SCARB1: variants seen among roughly 807,000 people sequenced by gnomAD.
SCARB1 encodes CD36 and LIMPII analogous 1.
In SCARB1, 30 loss-of-function variants were observed where a neutral mutation model predicts 57.2. The observed-to-expected ratio is 0.52, with a 90% CI of 0.39 to 0.71. The LOEUF is 0.71. SCARB1 is among the 30% of genes least tolerant of loss of function. The pLI is 0.00. For missense variants in SCARB1, 543 were observed against 671.2 expected, an observed-to-expected ratio of 0.81 and a Z score of 2.11; for synonymous variants, 249 against 268.3, an observed-to-expected ratio of 0.93 and a Z score of 0.70.
At chr12:124,855,443 C>T (rs1952588113) in intron 1 of SCARB1, among the ~76,000 whole-genome samples, 1 of 152,320 alleles carries the variant, frequency 6.6e-6, no homozygotes, top group Non-Finnish European at 1.5e-5. Flanking sequence ...CCCTTTAAGG[C>T]TTCAAAGTCA....
At position 124,777,125 on chromosome 12, in the gene SCARB1, A is replaced by G. The variant is rs1316570626; in HGVS notation, c.*1462T>C. On this transcript the variant is annotated 3_prime_UTR_variant, in exon 13 of 13. Coordinates refer to ENST00000261693, the MANE Select transcript of SCARB1 (RefSeq NM_005505.5). ...TACTGATGAAATGGTCTCATATTCA[A>G]ACATCAACGATGATGACAATCGGAG... 7 of 152,204 alleles carry G rather than the reference A, an allele frequency of 4.6e-5. No individual in the cohort carries two copies. Among genetic ancestry groups the G allele is most frequent in the African/African-American group, 7.2e-5 (3 of 41,458 alleles). The allele number at this position is 152,204 out of a possible 1,614,324, so 9.4% of individuals were successfully genotyped here. A position where few individuals can be genotyped will look rare whatever the true frequency, so the allele number is the denominator to read the frequency against.
At chr12:124,801,744 G>A (rs762773111) in intron 7 of SCARB1, among the ~76,000 whole-genome samples, 3 of 151,964 alleles carry the variant, frequency 2.0e-5, no homozygotes, top group Admixed American at 6.6e-5. Flanking sequence ...AGCTGAAATC[G>A]CATCACTGCA....
intron 1 of SCARB1, among the ~76,000 whole-genome samples, chr12:124,844,357 G>A (rs1213121805): frequency 6.6e-6 from 1 of 152,166 alleles, no homozygotes; most frequent in Non-Finnish European, 1.5e-5. Context: ...GCCACCCCCA[G>A]CTCAAAGCAC....
chr12:124,839,256 T>G, intron 1 of SCARB1: 1 of 456,078 alleles, frequency 2.2e-6, no homozygotes. Context: ...TTCTCTTTTC[T>G]GTCTCTGTGG....
At chr12:124,797,395 C>T (rs1365422227) in intron 8 of SCARB1, among the ~76,000 whole-genome samples, 1 of 152,242 alleles carries the variant, frequency 6.6e-6, no homozygotes, top group East Asian at 1.9e-4. Flanking sequence ...AACACACGTT[C>T]GTTTTTCAAG....
rs1342474683 is a variant in SCARB1, at chr12:124,800,513, G to T, written c.1010-271C>A. ...GAAGAGGCCTCTTCACAGGAGCCAG[G>T]TGAAGGATGCCCGGGAAGCGCATTC... On this transcript the variant is annotated intron_variant, in intron 7 of 12. Coordinates refer to ENST00000261693, the MANE Select transcript of SCARB1 (RefSeq NM_005505.5). This position sits in a 1 kb window ranked among gnomAD's most constrained non-coding sequence, Gnocchi z 4.8. Among the ~76,000 whole-genome samples the T allele has an allele frequency of 6.6e-6, 1 of 152,244 alleles. No homozygotes were observed. The highest frequency in any genetic ancestry group is 1.5e-5 in the Non-Finnish European group (1 of 68,042).
Position 124,824,936 on chromosome 12 carries a change from G to A in SCARB1, c.127-7229C>T, listed in dbSNP as rs116352624. On this transcript the variant is annotated intron_variant, in intron 1 of 12. Coordinates refer to ENST00000261693, the MANE Select transcript of SCARB1 (RefSeq NM_005505.5). Reference sequence around the variant, plus strand: ...TATTCCATTCTGTTTTTAAAATGCTGATCCCAGGCCAGGTGCAGTGGCTCA... The same window carrying A: ...TATTCCATTCTGTTTTTAAAATGCTAATCCCAGGCCAGGTGCAGTGGCTCA... 6.7e-3 allele frequency among the ~76,000 whole-genome samples: 1,027 copies of A among 152,218 alleles called. 12 individuals carry two copies. Among genetic ancestry groups the A allele is most frequent in the African/African-American group, 0.023 (974 of 41,528 alleles).
chr12:124,832,159 A>T (rs760418469), intron 1 of SCARB1, among the ~76,000 whole-genome samples: 16 of 152,242 alleles, frequency 1.1e-4, no homozygotes, highest in Non-Finnish European at 1.9e-4. Flanking sequence ...AGATGTTAAT[A>T]GCAGGGGACA....
At chr12:124,833,094 C>G (rs1351867586) in intron 1 of SCARB1, among the ~76,000 whole-genome samples, 2 of 152,034 alleles carry the variant, frequency 1.3e-5, no homozygotes, top group East Asian at 3.9e-4. Context: ...GGTCACATCT[C>G]CTACTCTGAC....
At position 124,817,442 on chromosome 12, in the gene SCARB1, A is replaced by G; in HGVS notation, c.284+108T>C. ...CCGACTATGACTTGCCTGCTTCCGG[A>G]ACAATCTCTGGGGCTCAGTCAGCAG... On this transcript the variant is annotated intron_variant, in intron 2 of 12. Coordinates refer to ENST00000261693, the MANE Select transcript of SCARB1 (RefSeq NM_005505.5). The surrounding 1 kb of genome is among the most constrained non-coding windows in gnomAD (Gnocchi z 4.8). 1.7e-6 allele frequency: 2 copies of G among 1,158,290 alleles called. No individual in the cohort carries two copies. Among genetic ancestry groups the G allele is most frequent in the Non-Finnish European group, 2.5e-6 (2 of 798,164 alleles). The allele number at this position is 1,158,290 out of a possible 1,614,324, so 71.8% of individuals were successfully genotyped here. A position where few individuals can be genotyped will look rare whatever the true frequency, so the allele number is the denominator to read the frequency against.
chr12:124,843,064 G>T lies in SCARB1; in HGVS notation c.126+20531C>A, dbSNP rs183190917. ...ACCTCTGGAGCAAAGACCAGCTGGG[G>T]CCAGGGGAGCAGTGTCGTGCTGTGA... On this transcript the variant is annotated intron_variant, in intron 1 of 12. Coordinates refer to ENST00000261693, the MANE Select transcript of SCARB1 (RefSeq NM_005505.5). Among the ~76,000 whole-genome samples, 25 of 152,322 alleles carry T rather than the reference G, an allele frequency of 1.6e-4. No individual in the cohort carries two copies. The East Asian group carries it at 4.6e-3, about 28-fold the overall frequency.
In SCARB1 at chr12:124,807,483, G is replaced by A. The variant is rs768810855; in HGVS notation, c.1009+278C>T. Among the ~76,000 whole-genome samples, 6 of 152,158 alleles carry A rather than the reference G, an allele frequency of 3.9e-5. No homozygotes were observed. The highest frequency in any genetic ancestry group is 5.9e-5 in the Non-Finnish European group (4 of 68,022). ...AACACAGCCGCCTTGTTCTGAGCGC[G>A]GTGAGACCCACGCAGACTTCTGACT... On this transcript the variant is annotated intron_variant, in intron 7 of 12. Coordinates refer to ENST00000261693, the MANE Select transcript of SCARB1 (RefSeq NM_005505.5). This position sits in a 1 kb window ranked among gnomAD's most constrained non-coding sequence, Gnocchi z 5.3.
At position 124,800,710 on chromosome 12, in the gene SCARB1, A is replaced by G. The variant is rs1950098672; in HGVS notation, c.1010-468T>C. On this transcript the variant is annotated intron_variant, in intron 7 of 12. Coordinates refer to ENST00000261693, the MANE Select transcript of SCARB1 (RefSeq NM_005505.5). The surrounding 1 kb of genome is among the most constrained non-coding windows in gnomAD (Gnocchi z 4.8). Reference sequence around the variant, plus strand: ...CACTGTCCCCTGCAGGACACGCAGCAATGATCGGAGCTCAGGTGTGTGCAC... The same window carrying G: ...CACTGTCCCCTGCAGGACACGCAGCGATGATCGGAGCTCAGGTGTGTGCAC... Among the ~76,000 whole-genome samples, 1 of 152,166 alleles carries G rather than the reference A, an allele frequency of 6.6e-6. No individual in the cohort carries two copies. Among genetic ancestry groups the G allele is most frequent in the South Asian group, 2.1e-4 (1 of 4,834 alleles).
chr12:124,854,290 C>A (rs1422000601), intron 1 of SCARB1, among the ~76,000 whole-genome samples: 2 of 152,194 alleles, frequency 1.3e-5, no homozygotes, highest in Non-Finnish European at 2.9e-5. Flanking sequence ...CGATTGGGCC[C>A]ATGGGGCTGA....
At chr12:124,856,088 G>A (rs1295487437) in intron 1 of SCARB1, among the ~76,000 whole-genome samples, 3 of 152,262 alleles carry the variant, frequency 2.0e-5, no homozygotes, top group Non-Finnish European at 4.4e-5. Flanking sequence ...TCCGGGAAGG[G>A]ACAGGGAATG....
chr12:124,854,589 C>T (rs1445447312), intron 1 of SCARB1, among the ~76,000 whole-genome samples: 4 of 152,134 alleles, frequency 2.6e-5, no homozygotes, highest in African/African-American at 9.7e-5. Context: ...TGCCTTGGAC[C>T]AGAGGTGATG....
intron 1 of SCARB1, among the ~76,000 whole-genome samples, chr12:124,860,194 C>T (rs1421238674): frequency 1.3e-5 from 2 of 152,088 alleles, no homozygotes; most frequent in African/African-American, 4.8e-5. Flanking sequence ...TCAGGTGATC[C>T]GGTGAATAAT....
intron 2 of SCARB1, among the ~76,000 whole-genome samples, chr12:124,815,705 A>C (rs1392209484): frequency 6.6e-6 from 1 of 152,150 alleles, no homozygotes; most frequent in African/African-American, 2.4e-5. Flanking sequence ...GTCTCTACTA[A>C]AAATACAAAA....
intron 1 of SCARB1, among the ~76,000 whole-genome samples, chr12:124,848,487 CTT>C (rs1449644125): frequency 1.3e-5 from 2 of 151,494 alleles, no homozygotes; most frequent in Non-Finnish European, 2.9e-5. Context: ...TCGTGGCCTT[CTT>C]GAGTGGGGCC....
Sources: gnomAD v4.1 joint callset for allele counts (sites outside exome capture counted in the v4.1 genomes callset) on GRCh38, gnomAD v4.1.1 for gene constraint, Gnocchi (gnomAD v3.1) non-coding constraint, MANE v1.5 for transcripts, NCBI Gene and HGNC (gene_info 2026-07-23, HGNC 2026-07-21) for gene names.